Variants in MAGI1 observed in about 807,000 individuals in gnomAD.
MAGI1 encodes membrane-associated guanylate kinase, WW and PDZ domain-containing protein 1.
In MAGI1, 58 loss-of-function variants were observed where a neutral mutation model predicts 139.9. That is an observed-to-expected ratio of 0.41 (90% CI 0.34 to 0.52). The LOEUF (loss-of-function observed/expected upper bound fraction) is 0.52, where lower values mean the gene tolerates loss of function less well. Ranked by LOEUF, MAGI1 falls within the 20% of genes least tolerant of loss-of-function variation. MAGI1 has a pLI of 0.12. For missense variants in MAGI1, 1,874 were observed against 1,901.6 expected (o/e 0.99, Z 0.27); for synonymous variants, 812 against 737.9 (o/e 1.10, Z -1.63).
intron 2 of MAGI1, among the ~76,000 whole-genome samples, chr3:65,602,140 G>A (rs2082513163): frequency 6.6e-6 from 1 of 152,112 alleles, no homozygotes; most frequent in Non-Finnish European, 1.5e-5. Flanking sequence ...AGCCACTTTG[G>A]AAAACAGTCT....
chr3:65,709,396 T>C (rs180976463), intron 1 of MAGI1, among the ~76,000 whole-genome samples: 6 of 152,324 alleles, frequency 3.9e-5, no homozygotes, highest in Non-Finnish European at 7.3e-5. Context: ...CTGTCTTTTG[T>C]CAAGTCTCTG....
intron 1 of MAGI1, among the ~76,000 whole-genome samples, chr3:65,793,118 A>T (rs141141272): frequency 6.6e-6 from 1 of 152,332 alleles, no homozygotes; most frequent in African/African-American, 2.4e-5. Context: ...CTGTCTCTGA[A>T]GAAGTCATGC....
chr3:65,731,553 G>A (rs1033065400), intron 1 of MAGI1, among the ~76,000 whole-genome samples: 1 of 151,548 alleles, frequency 6.6e-6, no homozygotes, highest in Non-Finnish European at 1.5e-5. Context: ...TACTGGGGCG[G>A]CTGAGGTGGG....
chr3:65,575,343 A>C (rs1214768752), intron 2 of MAGI1, among the ~76,000 whole-genome samples: 1 of 152,150 alleles, frequency 6.6e-6, no homozygotes, highest in African/African-American at 2.4e-5. Context: ...AAGATATACT[A>C]TTAGAAAGGT....
At chr3:65,578,452 C>A in intron 2 of MAGI1, among the ~76,000 whole-genome samples, 1 of 152,196 alleles carries the variant, frequency 6.6e-6, no homozygotes, top group East Asian at 1.9e-4. Context: ...GGTTCCAAAT[C>A]TTGAAGTATA....
chr3:66,018,270 G>T (rs1476381602), intron 1 of MAGI1, among the ~76,000 whole-genome samples: 1 of 152,164 alleles, frequency 6.6e-6, no homozygotes, highest in Non-Finnish European at 1.5e-5. Context: ...GCTACCACCA[G>T]GGGATGTAAA....
chr3:65,546,086 A>G (rs566499888), intron 2 of MAGI1, among the ~76,000 whole-genome samples: 1 of 151,980 alleles, frequency 6.6e-6, no homozygotes, highest in Non-Finnish European at 1.5e-5. Context: ...GAAACAACCA[A>G]TGTTTTCTAT....
rs961951945 is a variant in MAGI1 at position 65,685,444 on chromosome 3, T to C, written c.314-63356A>G. On this transcript the variant is annotated intron_variant, in intron 1 of 22. Transcript: ENST00000402939. Reference sequence around the variant, plus strand: ...AACTTAGTTTTCAAACAGTCTCTAATGAATATATCGTTTTCATATTCCAGT... The same window carrying C: ...AACTTAGTTTTCAAACAGTCTCTAACGAATATATCGTTTTCATATTCCAGT... Among the ~76,000 whole-genome samples, 21 of 152,208 alleles carry C rather than the reference T, an allele frequency of 1.4e-4. 1 individual carries two copies. Among genetic ancestry groups the C allele is most frequent in the Non-Finnish European group, 8.8e-5 (6 of 68,036 alleles).
chr3:65,688,086 GC>G (rs1277281472), intron 1 of MAGI1: 1 of 760,732 alleles, frequency 1.3e-6, no homozygotes, highest in Non-Finnish European at 2.3e-6. Flanking sequence ...ACAGCCTTTG[GC>G]CCTGAACACT....
At chr3:65,781,475 T>C (rs72908284) in intron 1 of MAGI1, among the ~76,000 whole-genome samples, 6,165 of 152,256 alleles carry the variant, frequency 0.04, 214 homozygotes, top group African/African-American at 0.095. Context: ...TACAGGTTTG[T>C]TATATATAAA....
At chr3:65,988,665 A>G (rs1348476132) in intron 1 of MAGI1, among the ~76,000 whole-genome samples, 1 of 152,220 alleles carries the variant, frequency 6.6e-6, no homozygotes, top group African/African-American at 2.4e-5. Flanking sequence ...TGTTCAGTTC[A>G]AGCACTAAGA....
At chr3:65,691,401 T>C (rs2088644327) in intron 1 of MAGI1, among the ~76,000 whole-genome samples, 1 of 152,098 alleles carries the variant, frequency 6.6e-6, no homozygotes. Context: ...AGTCAAAATG[T>C]ATGAAATAGC....
intron 1 of MAGI1, among the ~76,000 whole-genome samples, chr3:65,746,873 C>T (rs144815756): frequency 6.6e-6 from 1 of 152,272 alleles, no homozygotes; most frequent in Non-Finnish European, 1.5e-5. Context: ...GCAAACAGAG[C>T]CCCATCTCTG....
intron 1 of MAGI1, among the ~76,000 whole-genome samples, chr3:65,756,618 G>C (rs547340906): frequency 1.3e-5 from 2 of 152,250 alleles, no homozygotes; most frequent in Non-Finnish European, 2.9e-5. Context: ...TACATCCTGA[G>C]ATATGTCCTT....
At chr3:65,378,278 T>C (rs951434410) in intron 17 of MAGI1, among the ~76,000 whole-genome samples, 2 of 152,222 alleles carry the variant, frequency 1.3e-5, no homozygotes, top group African/African-American at 4.8e-5. Context: ...GTGACAACTG[T>C]GTTTCTCCAT....
chr3:65,929,870 C>G (rs2062712568), intron 1 of MAGI1, among the ~76,000 whole-genome samples: 1 of 152,088 alleles, frequency 6.6e-6, no homozygotes, highest in African/African-American at 2.4e-5. Context: ...GGGAGAAATT[C>G]TGGGGTCTAA....
chr3:65,538,790 C>A (rs940973574), intron 2 of MAGI1, among the ~76,000 whole-genome samples: 1 of 152,112 alleles, frequency 6.6e-6, no homozygotes, highest in Admixed American at 6.6e-5. Context: ...CAACATTTTT[C>A]TTTTATTAAC....
chr3:65,943,016 G>A (rs1399067798), intron 1 of MAGI1, among the ~76,000 whole-genome samples: 2 of 152,056 alleles, frequency 1.3e-5, no homozygotes, highest in Non-Finnish European at 2.9e-5. Context: ...GGGAGACTCT[G>A]TCTCAAAAGA....
rs942855848 is a variant in MAGI1, at chr3:65,552,755, C to T, written c.431-59124G>A. Among the ~76,000 whole-genome samples the T allele has an allele frequency of 3.9e-5, 6 of 152,304 alleles. No individual in the cohort carries two copies. The East Asian group carries it at 5.8e-4, about 15-fold the overall frequency. On this transcript the variant is annotated intron_variant, in intron 2 of 22. Transcript: ENST00000402939. Reference sequence around the variant, plus strand: ...GAAAACTGAAATTTGCATCTGCCTACAGAGGGAAGTTTAGGAAATCTAACT... The same window carrying T: ...GAAAACTGAAATTTGCATCTGCCTATAGAGGGAAGTTTAGGAAATCTAACT...
Sources: allele counts gnomAD v4.1 joint callset (sites outside exome capture counted in the v4.1 genomes callset), GRCh38; gene constraint gnomAD v4.1.1; transcripts MANE v1.5; gene names NCBI Gene and HGNC (gene_info 2026-07-23, HGNC 2026-07-21).